The following GRHL2 variants were observed in gnomAD, a reference collection of about 807,000 sequenced individuals.
GRHL2 encodes the protein grainyhead like transcription factor 2.
A neutral mutation model predicts 83.8 loss-of-function variants in GRHL2; 21 were observed. That is an observed-to-expected ratio of 0.25 (90% CI 0.18 to 0.36). The LOEUF (loss-of-function observed/expected upper bound fraction) is 0.36, where lower values mean the gene tolerates loss of function less well. Ranked by LOEUF, GRHL2 falls within the 10% of genes least tolerant of loss-of-function variation. GRHL2 has a pLI of 1.00. For synonymous variants in GRHL2, 280 were observed against 278.9 expected, an observed-to-expected ratio of 1.00 and a Z score of -0.04; for missense variants, 623 against 781.8, an observed-to-expected ratio of 0.80 and a Z score of 2.42.
chr8:101,627,229 C>G (rs1424100548), intron 9 of GRHL2, among the ~76,000 whole-genome samples: 1 of 152,050 alleles, frequency 6.6e-6, no homozygotes, highest in Non-Finnish European at 1.5e-5. Flanking sequence ...TTTGTGACAA[C>G]CCTGTATTGA....
At chr8:101,572,335 A>G (rs573769348) in intron 5 of GRHL2, among the ~76,000 whole-genome samples, 1 of 152,324 alleles carries the variant, frequency 6.6e-6, no homozygotes, top group South Asian at 2.1e-4. Context: ...AACTTCTTTT[A>G]AGACACATAT....
intron 2 of GRHL2, among the ~76,000 whole-genome samples, chr8:101,544,928 T>C (rs1405913759): frequency 1.3e-5 from 2 of 152,202 alleles, no homozygotes; most frequent in Non-Finnish European, 2.9e-5. Context: ...CCACCACCTC[T>C]GGCATTGCCA....
chr8:101,623,452 GCAGTTTACAGTACACAGTAGGA>G (rs1434839060), intron 9 of GRHL2, among the ~76,000 whole-genome samples: 16 of 143,102 alleles, frequency 1.1e-4, no homozygotes, highest in Non-Finnish European at 1.8e-4. Flanking sequence ...ACACAGTAGG[GCAGTTTACAGTACACAGTAGGA>G]CAGTTCACAG....
chr8:101,611,132 T>A (rs1812741040), intron 8 of GRHL2, among the ~76,000 whole-genome samples: 1 of 151,012 alleles, frequency 6.6e-6, no homozygotes, highest in African/African-American at 2.5e-5. Context: ...ACTTCCCCAT[T>A]CATCCCGGGA....
intron 1 of GRHL2, among the ~76,000 whole-genome samples, chr8:101,520,694 T>C (rs576878765): frequency 6.6e-6 from 1 of 152,242 alleles, no homozygotes; most frequent in East Asian, 1.9e-4. Flanking sequence ...AAATGTAAAA[T>C]CCTAAAAGTG....
chr8:101,509,643 T>C (rs1442537229), intron 1 of GRHL2, among the ~76,000 whole-genome samples: 2 of 152,174 alleles, frequency 1.3e-5, no homozygotes, highest in Non-Finnish European at 2.9e-5. Flanking sequence ...TTTAGATATA[T>C]ATATATTTTT....
At chr8:101,549,751 C>T (rs534873742) in intron 2 of GRHL2, among the ~76,000 whole-genome samples, 2 of 152,272 alleles carry the variant, frequency 1.3e-5, no homozygotes, top group Admixed American at 1.3e-4. Flanking sequence ...TTCTGTCCTG[C>T]CCTCTAACCT....
At chr8:101,615,518 C>T (rs990607067) in intron 8 of GRHL2, among the ~76,000 whole-genome samples, 4 of 152,096 alleles carry the variant, frequency 2.6e-5, no homozygotes, top group African/African-American at 9.7e-5. Context: ...AACCAGTCTG[C>T]GTTAAGACTC....
chr8:101,673,082 C>A (rs1814235180), downstream of GRHL2, among the ~76,000 whole-genome samples: 1 of 150,366 alleles, frequency 6.7e-6, no homozygotes, highest in African/African-American at 2.5e-5. Flanking sequence ...ACAACCGGTA[C>A]CAGCCGCTGC....
At chr8:101,561,970 G>T (rs1025417453) in intron 4 of GRHL2, 1 of 674,590 alleles carries the variant, frequency 1.5e-6, no homozygotes, top group Non-Finnish European at 2.7e-6. Flanking sequence ...ATTTTCAAAT[G>T]TACATAAAAG....
intron 1 of GRHL2, among the ~76,000 whole-genome samples, chr8:101,538,673 CAG>C (rs1241746096): frequency 6.6e-6 from 1 of 152,204 alleles, no homozygotes; most frequent in Non-Finnish European, 1.5e-5. Context: ...AAAACAGCTT[CAG>C]AGTGTTCCTA....
chr8:101,559,440 G>A (rs1811561699), intron 4 of GRHL2, among the ~76,000 whole-genome samples: 1 of 151,620 alleles, frequency 6.6e-6, no homozygotes, highest in Non-Finnish European at 1.5e-5. Context: ...TGAGGCGGGA[G>A]AATCGCTTCA....
At chr8:101,657,177 G>T (rs756166013) in intron 14 of GRHL2, among the ~76,000 whole-genome samples, 1 of 152,104 alleles carries the variant, frequency 6.6e-6, no homozygotes, top group Non-Finnish European at 1.5e-5. Flanking sequence ...CTGCTTTTTT[G>T]ATGTATATCT....
At chr8:101,593,813 C>T (rs1049938237) in intron 7 of GRHL2, among the ~76,000 whole-genome samples, 2 of 151,862 alleles carry the variant, frequency 1.3e-5, no homozygotes, top group African/African-American at 4.8e-5. Flanking sequence ...CACCTGTAAT[C>T]CCAGCACTTT....
chr8:101,591,000 G>A (rs1812269181), intron 7 of GRHL2, among the ~76,000 whole-genome samples: 1 of 152,150 alleles, frequency 6.6e-6, no homozygotes, highest in Non-Finnish European at 1.5e-5. Flanking sequence ...CTCAATTAAG[G>A]TGGAGGAATT....
At chr8:101,620,974 A>G (rs1446679635) in intron 9 of GRHL2, among the ~76,000 whole-genome samples, 1 of 152,174 alleles carries the variant, frequency 6.6e-6, no homozygotes, top group African/African-American at 2.4e-5. Context: ...GAGTTGAAAA[A>G]AAAAGGTGAA....
At chr8:101,632,778 T>C (rs1443782022) in intron 11 of GRHL2, among the ~76,000 whole-genome samples, 1 of 152,216 alleles carries the variant, frequency 6.6e-6, no homozygotes, top group Non-Finnish European at 1.5e-5. Context: ...ATAAAACTCA[T>C]TCAACAAATT....
At chr8:101,543,124 C>T in intron 1 of GRHL2, 117 bp from the exon 2 acceptor site, 1 of 824,638 alleles carries the variant, frequency 1.2e-6, no homozygotes, top group Non-Finnish European at 2.1e-6. Context: ...TCCCTTCCTT[C>T]TCCCCCATTC....
chr8:101,583,301 G>C (rs1812094400), intron 7 of GRHL2, among the ~76,000 whole-genome samples: 1 of 152,158 alleles, frequency 6.6e-6, no homozygotes, highest in Non-Finnish European at 1.5e-5. Context: ...TGAAAGACTG[G>C]GATTGAAGGC....
Sources: allele counts gnomAD v4.1 joint callset (sites outside exome capture counted in the v4.1 genomes callset), GRCh38; gene constraint gnomAD v4.1.1; transcripts MANE v1.5; gene names NCBI Gene and HGNC (gene_info 2026-07-23, HGNC 2026-07-21).